Variants in MTRR observed in about 807,000 individuals in gnomAD.
MTRR encodes 5-methyltetrahydrofolate-homocysteine methyltransferase reductase, also known as methionine synthase reductase.
In MTRR, 63 loss-of-function variants were observed where a neutral mutation model predicts 79.2. The observed-to-expected ratio is 0.80, with a 90% CI of 0.65 to 0.98. The LOEUF is 0.98. Ranked by LOEUF, MTRR falls within the 50% of genes least tolerant of loss-of-function variation. The pLI is 0.00. For missense variants in MTRR, 895 were observed against 839.6 expected (o/e 1.07, Z -0.82); for synonymous variants, 355 against 313.3 (o/e 1.13, Z -1.41).
intron 14 of MTRR, among the ~76,000 whole-genome samples, chr5:7,899,492 A>G (rs560169116): frequency 5.3e-5 from 8 of 152,300 alleles, no homozygotes; most frequent in Admixed American, 3.3e-4. Flanking sequence ...TACTAACTGT[A>G]TGTGTATAAA....
chr5:7,896,907 A>G lies in MTRR; in HGVS notation c.1720A>G (p.Met574Val), dbSNP rs781416288. The change falls in exon 13 of 15, where the codon ATG (methionine) becomes GTG (valine). Residue 574 changes from methionine to valine, a missense_variant. Met to Val is a conservative substitution (Grantham distance 21, BLOSUM62 1). Transcript: ENST00000440940. Reference protein sequence around the residue: ...EQHPDGNFGAMWLFFGCRHKD... With the variant: ...EQHPDGNFGAVWLFFGCRHKD... Reference sequence around the variant, plus strand: ...ACACCCAGATGGAAATTTTGGAGCAATGTGGTTGTTTTTTGGCTGCAGGCA... The same window carrying G: ...ACACCCAGATGGAAATTTTGGAGCAGTGTGGTTGTTTTTTGGCTGCAGGCA... 2 of 1,614,088 alleles carry G rather than the reference A, an allele frequency of 1.2e-6. No individual in the cohort carries two copies. The highest frequency in any genetic ancestry group is 2.2e-5 in the East Asian group (1 of 44,872).
intron 5 of MTRR, among the ~76,000 whole-genome samples, chr5:7,880,481 G>GT (rs1735406263): frequency 6.6e-6 from 1 of 152,184 alleles, no homozygotes; most frequent in South Asian, 2.1e-4. Flanking sequence ...CCTGTTTCTT[G>GT]TTTGAGTTTC....
chr5:7,871,026 T>C, intron 2 of MTRR, 103 bp downstream of exon 2: 1 of 1,351,400 alleles, frequency 7.4e-7, no homozygotes, highest in Non-Finnish European at 1.1e-6. Flanking sequence ...CCACATAGTC[T>C]TTGTTTTTTA....
chr5:7,867,105 G>A (rs1394685080), upstream of MTRR: 5 of 1,614,022 alleles, frequency 3.1e-6, no homozygotes, highest in Admixed American at 6.7e-5. Context: ...GTGAAATGTG[G>A]GACATGCCTC....
intron 14 of MTRR, among the ~76,000 whole-genome samples, chr5:7,898,212 G>A (rs898721735): frequency 6.6e-6 from 1 of 151,896 alleles, no homozygotes; most frequent in Non-Finnish European, 1.5e-5. Flanking sequence ...ATTTTCCTTC[G>A]CTTTTAATGA....
rs1739215751 is a variant in MTRR, at chr5:7,899,968, CAA to C, written c.2009_2010del (p.Lys670ArgfsTer5). ...VHDALVQIIS[K>X]EVGVEKLEAM... ...ATGATGCCCTTGTGCAAATAATAAGCAAAGAGGTTGGAGTTGAAAAACTAGAA... is the reference window on the plus strand; with the variant it reads ...ATGATGCCCTTGTGCAAATAATAAGCAGAGGTTGGAGTTGAAAAACTAGAA... On this transcript the variant is annotated frameshift_variant, in exon 15 of 15. Transcript: ENST00000440940. LOFTEE classifies it high-confidence loss of function. 1 of 1,613,918 alleles carries C rather than the reference CAA, an allele frequency of 6.2e-7. No homozygotes were observed. Among genetic ancestry groups the C allele is most frequent in the African/African-American group, 1.3e-5 (1 of 74,880 alleles).
intron 9 of MTRR, 105 bp downstream of exon 9, chr5:7,889,380 A>T (rs904722347): frequency 5.1e-6 from 6 of 1,180,438 alleles, no homozygotes; most frequent in Admixed American, 1.9e-5. Context: ...TACCCTTTGT[A>T]TCCTATGCCT....
At chr5:7,874,708 C>T (rs988325937) in intron 3 of MTRR, among the ~76,000 whole-genome samples, 1 of 145,350 alleles carries the variant, frequency 6.9e-6, no homozygotes, top group African/African-American at 2.6e-5. Context: ...ACCTTTCTTT[C>T]TATATCAGGA....
chr5:7,874,629 G>A (rs993323779), intron 3 of MTRR, among the ~76,000 whole-genome samples: 2 of 130,270 alleles, frequency 1.5e-5, no homozygotes, highest in African/African-American at 5.8e-5. Flanking sequence ...AGACATAGAA[G>A]CAATTCTTGA....
At chr5:7,896,431 C>G (rs1313812112) in intron 12 of MTRR, 3 of 207,558 alleles carry the variant, frequency 1.4e-5, no homozygotes, top group Non-Finnish European at 2.9e-5. Flanking sequence ...TAATTTTTTC[C>G]TTAAGCAAAA....
Position 7,869,802 on chromosome 5 carries a change from T to C in MTRR, c.-26+587T>C, listed in dbSNP as rs1042910507. 1.3e-5 allele frequency: 2 copies of C among 159,418 alleles called. 1 individual carries two copies. Among genetic ancestry groups the C allele is most frequent in the Admixed American group, 1.3e-4 (2 of 15,418 alleles). 9.9% of individuals were successfully genotyped at this position (159,418 alleles called of 1,614,324 possible). On this transcript the variant is annotated intron_variant, in intron 1 of 14. Coordinates refer to ENST00000440940, the MANE Select transcript of MTRR (RefSeq NM_002454.3). The stretch of plus-strand genomic sequence containing the variant: ...CTCAGGATGTGTGTTTCATGGGAAG[T>C]GATAGAAATTTTAGCTGTAGTAAGG...
rs6870678 is a variant in MTRR at position 7,875,938 on chromosome 5, C to A, written c.401+563C>A. Among the ~76,000 whole-genome samples, 607 of 152,306 alleles carry A rather than the reference C, an allele frequency of 4.0e-3. 8 individuals carry two copies. Among genetic ancestry groups the A allele is most frequent in the African/African-American group, 0.014 (584 of 41,572 alleles). On this transcript the variant is annotated intron_variant, in intron 4 of 14. Coordinates refer to ENST00000440940, the MANE Select transcript of MTRR (RefSeq NM_002454.3). Reference sequence around the variant, plus strand: ...TTGTTTTTACAAGTCAGTATTTCACCCATTGTGCCACCTTTCAAATCATCC... The same window carrying A: ...TTGTTTTTACAAGTCAGTATTTCACACATTGTGCCACCTTTCAAATCATCC...
chr5:7,877,957 G>A lies in MTRR; in HGVS notation c.415G>A (p.Val139Ile). The A allele has an allele frequency of 1.2e-6, 2 of 1,613,094 alleles. No individual in the cohort carries two copies. The highest frequency in any genetic ancestry group is 2.2e-5 in the South Asian group (2 of 91,056). Residue 139 changes from valine to isoleucine, a missense_variant, in exon 5 of 15, where the codon GTT becomes ATT. Physicochemically the swap from Val to Ile is conservative, Grantham distance 29. Coordinates refer to ENST00000440940, the MANE Select transcript of MTRR (RefSeq NM_002454.3). ...TTTACTGTCCAGTTTAGAACTTGTG[G>A]TTGAGCCGTGGATTGCTGGACTCTG... ...ADDCVGLELV[V>I]EPWIAGLWPA...
chr5:7,897,377 A>AGAAATAAC, intron 14 of MTRR, 130 bp downstream of exon 14: 1 of 929,836 alleles, frequency 1.1e-6, no homozygotes, highest in East Asian at 2.5e-5. Flanking sequence ...GTACAGGAAT[A>AGAAATAAC]GAAATAACAG....
chr5:7,856,698 T>C (rs1284878271), intron 1 of MTRR: 3 of 151,742 alleles, frequency 2.0e-5, no homozygotes, highest in Non-Finnish European at 4.4e-5. Context: ...GGTTCCTCAC[T>C]GAGCCAAGAC....
intron 4 of MTRR, among the ~76,000 whole-genome samples, chr5:7,875,965 G>C (rs1734490459): frequency 6.6e-6 from 1 of 152,188 alleles, no homozygotes; most frequent in Non-Finnish European, 1.5e-5. Flanking sequence ...AAATCATCCT[G>C]ATGTGTTTAT....
Position 7,886,695 on chromosome 5 carries a change from C to T in MTRR, c.1138C>T (p.Pro380Ser), listed in dbSNP as rs886060806. ...FTWCLEIRAI[P>S]KKAFLRALVD... ...CTGGTGTCTTGAAATCCGAGCAATTCCTAAAAAGGTATTTTTTTCTGTCTT... is the reference window on the plus strand; with the variant it reads ...CTGGTGTCTTGAAATCCGAGCAATTTCTAAAAAGGTATTTTTTTCTGTCTT... The change falls in exon 8 of 15, where the codon CCT (proline) becomes TCT (serine). Residue 380 changes from proline to serine, a missense_variant. Coordinates refer to ENST00000440940, the MANE Select transcript of MTRR (RefSeq NM_002454.3). 6.2e-7 allele frequency: 1 copy of T among 1,609,802 alleles called. No individual in the cohort carries two copies. The highest frequency in any genetic ancestry group is 8.5e-7 in the Non-Finnish European group (1 of 1,176,114).
upstream of MTRR, chr5:7,869,036 C>A: frequency 1.4e-6 from 2 of 1,431,224 alleles, no homozygotes; most frequent in Non-Finnish European, 2.0e-6. Flanking sequence ...CGTCGTGGGC[C>A]TCCGTAGCAA....
intron 9 of MTRR, among the ~76,000 whole-genome samples, chr5:7,890,740 T>C (rs1413264951): frequency 6.6e-6 from 1 of 152,172 alleles, no homozygotes; most frequent in African/African-American, 2.4e-5. Flanking sequence ...TACCAAAACA[T>C]AAAACATTTC....
Sources: allele counts gnomAD v4.1 joint callset (sites outside exome capture counted in the v4.1 genomes callset), GRCh38; gene constraint gnomAD v4.1.1; transcripts MANE v1.5; gene names NCBI Gene and HGNC (gene_info 2026-07-23, HGNC 2026-07-21).